Variants in GALNT17 observed in about 807,000 individuals in gnomAD.
GALNT17 encodes the protein UDP-GalNAc:polypeptide N-acetylgalactosaminyltransferase-like 3.
In GALNT17, 29 loss-of-function variants were observed where a neutral mutation model predicts 63.7. The observed-to-expected ratio is 0.46, with a 90% confidence interval of 0.34 to 0.62. The LOEUF is 0.62. Ranked by LOEUF, GALNT17 falls within the 20% of genes least tolerant of loss-of-function variation. The probability of loss-of-function intolerance (pLI) is 0.01; values close to 1 mark genes in which losing one functional copy is unlikely to be tolerated. For synonymous variants in GALNT17, 305 were observed against 318.3 expected, an observed-to-expected ratio of 0.96 and a Z score of 0.45; for missense variants, 603 against 799.6, an observed-to-expected ratio of 0.75 and a Z score of 2.97.
At chr7:71,672,315 A>G (rs1368655262) in intron 8 of GALNT17, among the ~76,000 whole-genome samples, 1 of 152,190 alleles carries the variant, frequency 6.6e-6, no homozygotes, top group Non-Finnish European at 1.5e-5. Flanking sequence ...CATTACATGA[A>G]AGAAATAATA....
chr7:71,646,438 C>T (rs1261298133), intron 6 of GALNT17, among the ~76,000 whole-genome samples: 2 of 152,114 alleles, frequency 1.3e-5, no homozygotes, highest in East Asian at 1.9e-4. Flanking sequence ...TGGGACTCAG[C>T]GTGTTTCTAT....
rs1791802820 is a variant in GALNT17, at chr7:71,712,053, C to T, written c.1704C>T (p.Cys568=). ...TCATGAACAAGGGCACGGGACGCTG[C>T]CTGGAGGTGGAGAACCGGGGCCTGG... The part of the protein sequence containing the change: ...GAIMNKGTGR[C]LEVENRGLAG... Residue 568 remains cysteine (C), a synonymous_variant, in exon 11 of 11, where the codon TGC becomes TGT. Transcript: ENST00000333538. The T allele has an allele frequency of 6.2e-7, 1 of 1,614,116 alleles. No homozygotes were observed. The highest frequency in any genetic ancestry group is 8.5e-7 in the Non-Finnish European group (1 of 1,179,992).
At chr7:71,423,786 G>A (rs1265063863) in intron 5 of GALNT17, among the ~76,000 whole-genome samples, 6 of 152,050 alleles carry the variant, frequency 3.9e-5, no homozygotes, top group African/African-American at 1.4e-4. Context: ...AGCCGGGGTG[G>A]TGGTGTGCTC....
chr7:71,416,142 A>G, intron 4 of GALNT17, 79 bp downstream of exon 4: 17 of 1,480,918 alleles, frequency 1.1e-5, no homozygotes, highest in Non-Finnish European at 1.5e-5. Flanking sequence ...GAGGTGGGAC[A>G]TTTCACCTGT....
At chr7:71,510,419 G>T (rs961204311) in intron 5 of GALNT17, among the ~76,000 whole-genome samples, 2 of 152,192 alleles carry the variant, frequency 1.3e-5, no homozygotes, top group African/African-American at 4.8e-5. Flanking sequence ...TGTACTGCCT[G>T]TCTGTAGATT....
chr7:71,553,801 A>T (rs7799605), intron 5 of GALNT17, among the ~76,000 whole-genome samples: 1 of 152,086 alleles, frequency 6.6e-6, no homozygotes, highest in Non-Finnish European at 1.5e-5. Context: ...CATCTCTTTC[A>T]GGACAATTGC....
chr7:71,460,353 G>A lies in GALNT17; in HGVS notation c.962+39248G>A, dbSNP rs180782903. Among the ~76,000 whole-genome samples the A allele has an allele frequency of 1.6e-4, 24 of 152,196 alleles. No individual in the cohort carries two copies. The East Asian group carries it at 3.3e-3, about 21-fold the overall frequency. On this transcript the variant is annotated intron_variant, in intron 5 of 10. Coordinates refer to ENST00000333538, the MANE Select transcript of GALNT17 (RefSeq NM_022479.3). ...CTAAATAAAATTTTTGGTGAAAAAC[G>A]ATAAAAATAAATACTAAATCACCAC...
chr7:71,656,367 G>T (rs78880076), intron 6 of GALNT17, among the ~76,000 whole-genome samples: 3 of 152,098 alleles, frequency 2.0e-5, no homozygotes, highest in Non-Finnish European at 4.4e-5. Context: ...CTAGGCAGAT[G>T]GGGGAGGAGT....
intron 3 of GALNT17, among the ~76,000 whole-genome samples, chr7:71,393,667 G>A (rs1793089285): frequency 1.3e-5 from 2 of 152,018 alleles, no homozygotes; most frequent in Admixed American, 1.3e-4. Context: ...GGTGTACAAA[G>A]CCGGGGCACT....
chr7:71,659,790 C>G (rs1335773653), intron 6 of GALNT17, among the ~76,000 whole-genome samples: 3 of 152,202 alleles, frequency 2.0e-5, no homozygotes, highest in Admixed American at 6.5e-5. Context: ...ACACCCTGCT[C>G]TCTCCTTCAC....
At chr7:71,449,103 A>ATTTTATTTTTTTTTTTT (rs1583963031) in intron 5 of GALNT17, among the ~76,000 whole-genome samples, 1 of 45,622 alleles carries the variant, frequency 2.2e-5, no homozygotes, top group African/African-American at 8.2e-5. Flanking sequence ...ACAGCTGCCT[A>ATTTTATTTTTTTTTTTT]TTTTCTTTTT....
At chr7:71,258,804 A>C (rs563517902) in intron 1 of GALNT17, among the ~76,000 whole-genome samples, 1 of 152,338 alleles carries the variant, frequency 6.6e-6, no homozygotes, top group East Asian at 1.9e-4. Flanking sequence ...ATCTGCCCTG[A>C]ATGCTTGGGA....
At chr7:71,207,885 T>C (rs1189044949) in intron 1 of GALNT17, among the ~76,000 whole-genome samples, 1 of 152,158 alleles carries the variant, frequency 6.6e-6, no homozygotes, top group East Asian at 1.9e-4. Flanking sequence ...TTAGAGCCAC[T>C]GATGTATACA....
chr7:71,410,598 A>G (rs2116418034), intron 3 of GALNT17, among the ~76,000 whole-genome samples: 1 of 152,328 alleles, frequency 6.6e-6, no homozygotes, highest in East Asian at 1.9e-4. Context: ...TACTAGGTCA[A>G]TACTTGCTCC....
chr7:71,600,180 G>A (rs1789945057), intron 6 of GALNT17, among the ~76,000 whole-genome samples: 1 of 151,204 alleles, frequency 6.6e-6, no homozygotes, highest in Non-Finnish European at 1.5e-5. Context: ...AGGAGCCACA[G>A]TGTATAAGCA....
chr7:71,336,708 A>G (rs1165053306), intron 2 of GALNT17, among the ~76,000 whole-genome samples: 2 of 152,330 alleles, frequency 1.3e-5, no homozygotes, highest in East Asian at 3.9e-4. Flanking sequence ...CATGGTGTAT[A>G]TGTGCCACAT....
At chr7:71,577,584 G>T (rs1789559686) in intron 6 of GALNT17, among the ~76,000 whole-genome samples, 1 of 152,120 alleles carries the variant, frequency 6.6e-6, no homozygotes, top group African/African-American at 2.4e-5. Context: ...GGGTCTTCTT[G>T]TTGGGTTCCC....
At chr7:71,196,970 A>T (rs545669474) in intron 1 of GALNT17, among the ~76,000 whole-genome samples, 2 of 142,144 alleles carry the variant, frequency 1.4e-5, no homozygotes, top group Admixed American at 1.4e-4. Context: ...TTTTTAAAAA[A>T]TTTATTTTTA....
intron 2 of GALNT17, among the ~76,000 whole-genome samples, chr7:71,363,271 T>G (rs1413912527): frequency 6.6e-6 from 1 of 152,158 alleles, no homozygotes; most frequent in African/African-American, 2.4e-5. Flanking sequence ...CTGGCCACTT[T>G]GTTCCATTTC....
Sources: gnomAD v4.1 joint callset for allele counts (sites outside exome capture counted in the v4.1 genomes callset) on GRCh38, gnomAD v4.1.1 for gene constraint, MANE v1.5 for transcripts, NCBI Gene and HGNC (gene_info 2026-07-23, HGNC 2026-07-21) for gene names.